HNRNPR: variants seen among roughly 807,000 people sequenced by gnomAD.
The protein encoded by HNRNPR is heterogeneous nuclear ribonucleoprotein R.
In HNRNPR, 4 loss-of-function variants were observed where a neutral mutation model predicts 70.3. The observed-to-expected ratio is 0.06, with a 90% CI of 0.03 to 0.13. The LOEUF (loss-of-function observed/expected upper bound fraction) is 0.13, where lower values mean the gene tolerates loss of function less well. Among genes scored for constraint, HNRNPR ranks in the 10% least tolerant of loss-of-function variants. HNRNPR has a pLI of 1.00. For synonymous variants in HNRNPR, 241 were observed against 267.6 expected (o/e 0.90, Z 0.97); for missense variants, 423 against 788.5 (o/e 0.54, Z 5.55).
intron 8 of HNRNPR, among the ~76,000 whole-genome samples, chr1:23,314,170 A>G (rs17437121): frequency 0.11 from 16,861 of 152,076 alleles, 1,228 homozygotes; most frequent in Middle Eastern, 0.27. Context: ...GTAGTGTTAA[A>G]TTAGAAAAAA....
At chr1:23,337,644 G>T in intron 4 of HNRNPR, 110 bp downstream of exon 4, 1 of 681,318 alleles carries the variant, frequency 1.5e-6, no homozygotes, top group South Asian at 1.8e-5. Context: ...GACAGAGCAA[G>T]ACTCCGTCTC....
At chr1:23,327,887 G>A (rs971712975) in intron 5 of HNRNPR, among the ~76,000 whole-genome samples, 1 of 150,736 alleles carries the variant, frequency 6.6e-6, no homozygotes, top group African/African-American at 2.4e-5. Context: ...TGAGGGGGCA[G>A]TGTCTCATGC....
chr1:23,330,179 A>G (rs1420421937), intron 5 of HNRNPR, among the ~76,000 whole-genome samples: 3 of 152,124 alleles, frequency 2.0e-5, no homozygotes, highest in African/African-American at 4.8e-5. Flanking sequence ...CTGCAAACAG[A>G]TAAGAATTTA....
intron 7 of HNRNPR, among the ~76,000 whole-genome samples, chr1:23,319,391 T>G (rs1645670721): frequency 6.6e-6 from 1 of 152,194 alleles, no homozygotes; most frequent in African/African-American, 2.4e-5. Flanking sequence ...AGACTTCCTA[T>G]CTAATAAACA....
chr1:23,333,496 T>C, intron 5 of HNRNPR, 22 bp downstream of exon 5: 1 of 1,454,836 alleles, frequency 6.9e-7, no homozygotes, highest in Non-Finnish European at 9.7e-7. Flanking sequence ...AAGATCTTGG[T>C]AAACTGCTAA....
intron 5 of HNRNPR, among the ~76,000 whole-genome samples, chr1:23,332,490 G>A (rs547641947): frequency 6.6e-6 from 1 of 151,506 alleles, no homozygotes; most frequent in Admixed American, 6.6e-5. Flanking sequence ...ATCACCTGAG[G>A]TCATGAGTTC....
At chr1:23,340,819 T>G in intron 2 of HNRNPR, 33 bp downstream of exon 2, 1 of 1,562,286 alleles carries the variant, frequency 6.4e-7, no homozygotes, top group Non-Finnish European at 8.7e-7. Flanking sequence ...CTCACTTTCA[T>G]AACCAGTCAG....
chr1:23,337,984 A>T lies in HNRNPR; in HGVS notation c.277-123T>A, dbSNP rs2148482618. On this transcript the variant is annotated intron_variant, in intron 3 of 10. Transcript: ENST00000302271. The stretch of plus-strand genomic sequence containing the variant: ...CAAAAGATTTACTGATTCATTCAAC[A>T]AGTATTTGCCGAGTGGTTACTATGT... The T allele has an allele frequency of 4.5e-6, 3 of 672,202 alleles. No individual in the cohort carries two copies. The South Asian group carries it at 5.6e-5, about 13-fold the overall frequency. 41.6% of individuals were successfully genotyped at this position (672,202 alleles called of 1,614,324 possible). A position where few individuals can be genotyped will look rare whatever the true frequency, so the allele number is the denominator to read the frequency against.
At chr1:23,341,996 A>C (rs558326493) in intron 1 of HNRNPR, among the ~76,000 whole-genome samples, 1 of 152,318 alleles carries the variant, frequency 6.6e-6, no homozygotes, top group Non-Finnish European at 1.5e-5. Context: ...ATTAAAGTGC[A>C]TTTGTCTGTG....
Position 23,309,320 on chromosome 1 carries a change from G to A in HNRNPR, c.*1134C>T, listed in dbSNP as rs767915128. On this transcript the variant is annotated 3_prime_UTR_variant, in exon 11 of 11. Transcript: ENST00000302271. ...ATCATTTTCACTAAAACTAAAGTCCGCAGTGCAATTGACGCCACAGTACTA... is the reference window on the plus strand; with the variant it reads ...ATCATTTTCACTAAAACTAAAGTCCACAGTGCAATTGACGCCACAGTACTA... The A allele has an allele frequency of 6.6e-6, 1 of 152,018 alleles. No homozygotes were observed. The highest frequency in any genetic ancestry group is 1.5e-5 in the Non-Finnish European group (1 of 67,964). 9.4% of individuals were successfully genotyped at this position (152,018 alleles called of 1,614,324 possible).
At chr1:23,322,191 T>C (rs1645786745) in intron 6 of HNRNPR, among the ~76,000 whole-genome samples, 1 of 152,078 alleles carries the variant, frequency 6.6e-6, no homozygotes, top group African/African-American at 2.4e-5. Context: ...TTTTGAAAAA[T>C]GTTTTATTTA....
intron 5 of HNRNPR, among the ~76,000 whole-genome samples, chr1:23,331,701 G>C (rs145659587): frequency 6.6e-6 from 1 of 151,624 alleles, no homozygotes; most frequent in Non-Finnish European, 1.5e-5. Flanking sequence ...GGGTTTGGTG[G>C]CATGAGTCCA....
chr1:23,333,789 A>T (rs1178218963), intron 4 of HNRNPR, among the ~76,000 whole-genome samples, 158 bp from the exon 5 acceptor site: 1 of 152,116 alleles, frequency 6.6e-6, no homozygotes, highest in Non-Finnish European at 1.5e-5. Context: ...TTCCCCATAC[A>T]TGTTTCTACT....
chr1:23,317,432 T>C (rs1645589695), intron 8 of HNRNPR, among the ~76,000 whole-genome samples: 1 of 151,884 alleles, frequency 6.6e-6, no homozygotes, highest in South Asian at 2.1e-4. Context: ...CACTCCAGCC[T>C]GGGACAAAGC....
At chr1:23,330,681 C>CG (rs1476754890) in intron 5 of HNRNPR, among the ~76,000 whole-genome samples, 6 of 152,172 alleles carry the variant, frequency 3.9e-5, no homozygotes, top group Non-Finnish European at 8.8e-5. Context: ...ATCATCCTTG[C>CG]ATATTTCTCA....
chr1:23,332,701 CA>C (rs565860178), intron 5 of HNRNPR, among the ~76,000 whole-genome samples: 1,132 of 87,320 alleles, frequency 0.013, 8 homozygotes, highest in African/African-American at 0.041. Flanking sequence ...AATTCCATCT[CA>C]AAAAAAAAAA....
chr1:23,321,678 G>GA lies in HNRNPR; in HGVS notation c.676-16dup. On this transcript the variant is annotated splice_polypyrimidine_tract_variant and intron_variant, in intron 6 of 10. Coordinates refer to ENST00000302271, the MANE Select transcript of HNRNPR (RefSeq NM_005826.5). ...TAGCTGTCACACTGCAATAAGAAAA[G>GA]AACCAGAGACCCCAAAACCACCCCA... 6.9e-6 allele frequency: 11 copies of GA among 1,598,910 alleles called. No individual in the cohort carries two copies. Among genetic ancestry groups the GA allele is most frequent in the Non-Finnish European group, 9.4e-6 (11 of 1,172,902 alleles).
chr1:23,309,568 C>T lies in HNRNPR; in HGVS notation c.*886G>A, dbSNP rs751022089. On this transcript the variant is annotated 3_prime_UTR_variant, in exon 11 of 11. Transcript: ENST00000302271. ...GATAAAATTTCAAAATTAGAAGAGA[C>T]TATGAGAGAACACCAATCAATGAAA... 3.3e-5 allele frequency: 5 copies of T among 151,462 alleles called. No individual in the cohort carries two copies. The highest frequency in any genetic ancestry group is 7.4e-5 in the Non-Finnish European group (5 of 67,834). 9.4% of individuals were successfully genotyped at this position (151,462 alleles called of 1,614,324 possible). A position where few individuals can be genotyped will look rare whatever the true frequency, so the allele number is the denominator to read the frequency against.
Position 23,322,658 on chromosome 1 carries a change from G to A in HNRNPR, c.675+898C>T, listed in dbSNP as rs192639089. On this transcript the variant is annotated intron_variant, in intron 6 of 10. Transcript: ENST00000302271. The stretch of plus-strand genomic sequence containing the variant: ...AACTTAATATTAAATAAACAAGTTT[G>A]AAGAAAAAATCCATAATAAAAACTA... Among the ~76,000 whole-genome samples the A allele has an allele frequency of 1.6e-4, 25 of 152,214 alleles. 1 individual carries two copies. Among genetic ancestry groups the A allele is most frequent in the Admixed American group, 5.9e-4 (9 of 15,280 alleles).
Sources: allele counts gnomAD v4.1 joint callset (sites outside exome capture counted in the v4.1 genomes callset), GRCh38; gene constraint gnomAD v4.1.1; transcripts MANE v1.5; gene names NCBI Gene and HGNC (gene_info 2026-07-23, HGNC 2026-07-21).